The following CDC14A variants were observed in gnomAD, a reference collection of about 807,000 sequenced individuals.
The protein encoded by CDC14A is dual specificity protein phosphatase CDC14A.
CDC14A carries 53 observed loss-of-function variants against 74.4 expected under a neutral mutation model. The observed-to-expected ratio is 0.71, with a 90% CI of 0.57 to 0.89. The LOEUF (loss-of-function observed/expected upper bound fraction) is 0.89, where lower values mean the gene tolerates loss of function less well. Ranked by LOEUF, CDC14A falls within the 40% of genes least tolerant of loss-of-function variation. The pLI, the probability that CDC14A is intolerant of heterozygous loss-of-function variation, is 0.00. For missense variants in CDC14A, 646 were observed against 713.7 expected (o/e 0.91, Z 1.08); for synonymous variants, 247 against 258.4 (o/e 0.96, Z 0.43).
At chr1:100,357,832 C>T (rs987415614) in intron 2 of CDC14A, among the ~76,000 whole-genome samples, 4 of 151,720 alleles carry the variant, frequency 2.6e-5, no homozygotes, top group African/African-American at 9.7e-5. Flanking sequence ...GAAGTAGACT[C>T]TTTAAATATT....
intron 8 of CDC14A, among the ~76,000 whole-genome samples, chr1:100,455,720 G>GC (rs1666617466): frequency 6.6e-6 from 1 of 152,172 alleles, no homozygotes; most frequent in South Asian, 2.1e-4. Flanking sequence ...CCATAAATAG[G>GC]ATGTTCACTT....
At chr1:100,416,049 C>T (rs1297629415) in intron 4 of CDC14A, among the ~76,000 whole-genome samples, 1 of 152,076 alleles carries the variant, frequency 6.6e-6, no homozygotes, top group Non-Finnish European at 1.5e-5. Context: ...AAATTAAGTG[C>T]CCTGACATTT....
intron 4 of CDC14A, among the ~76,000 whole-genome samples, chr1:100,402,581 A>G (rs1213823602): frequency 6.6e-6 from 1 of 152,218 alleles, no homozygotes; most frequent in Non-Finnish European, 1.5e-5. Context: ...AGACTGGTGA[A>G]GTATCTCCAC....
In CDC14A at chr1:100,518,421, C is replaced by T; in HGVS notation, c.*141C>T. 1.5e-6 allele frequency: 1 copy of T among 655,312 alleles called. No homozygotes were observed. The highest frequency in any genetic ancestry group is 2.7e-6 in the Non-Finnish European group (1 of 367,108). 40.6% of individuals were successfully genotyped at this position (655,312 alleles called of 1,614,324 possible). A position where few individuals can be genotyped will look rare whatever the true frequency, so the allele number is the denominator to read the frequency against. ...TAAATTAAAAAGAGCACTAAGATAA[C>T]ACCTTCAAGAGACTTGAAAACAGAA... On this transcript the variant is annotated 3_prime_UTR_variant, in exon 16 of 16. Transcript: ENST00000336454.
At chr1:100,473,626 T>G (rs112401612) in intron 10 of CDC14A, among the ~76,000 whole-genome samples, 8,661 of 152,034 alleles carry the variant, frequency 0.057, 837 homozygotes, top group African/African-American at 0.2. Flanking sequence ...GACCTCAGGT[T>G]ATCCTCCCAC....
chr1:100,470,929 T>A (rs1345358238), intron 10 of CDC14A, among the ~76,000 whole-genome samples: 2 of 152,146 alleles, frequency 1.3e-5, no homozygotes, highest in East Asian at 3.8e-4. Flanking sequence ...TTTCTAGGTA[T>A]TTAAATAAGG....
intron 4 of CDC14A, chr1:100,393,169 C>T: frequency 6.3e-7 from 1 of 1,578,742 alleles, no homozygotes; most frequent in Admixed American, 1.7e-5. Context: ...GACTCCATTT[C>T]TCTCAATTTA....
rs1323342056 is a variant in CDC14A, at chr1:100,495,034, AC to A, written c.1250+105del. ...AATCTTCTGTTTTGAATTTTGTTCT[AC>A]AAATACTAAGTTTACTATTTTGTGT... On this transcript the variant is annotated intron_variant, in intron 12 of 15. Transcript: ENST00000336454. 4 of 639,532 alleles carry A rather than the reference AC, an allele frequency of 6.3e-6. No homozygotes were observed. The African/African-American group carries it at 7.4e-5, about 12-fold the overall frequency. The allele number at this position is 639,532 out of a possible 1,614,324, so 39.6% of individuals were successfully genotyped here.
intron 1 of CDC14A, among the ~76,000 whole-genome samples, chr1:100,345,949 G>A (rs1650379672): frequency 6.6e-6 from 1 of 152,234 alleles, no homozygotes. Context: ...GAGGTGGGCA[G>A]ATCATGAGGT....
At position 100,494,832 on chromosome 1, in the gene CDC14A, T is replaced by C. The variant is rs758755157; in HGVS notation, c.1152T>C (p.Asp384=). The C allele has an allele frequency of 3.1e-6, 5 of 1,609,134 alleles. No individual in the cohort carries two copies. The African/African-American group carries it at 6.7e-5, about 21-fold the overall frequency. Residue 384 remains aspartate (D), a synonymous_variant, in exon 12 of 16, where the codon GAT becomes GAC. Coordinates refer to ENST00000336454, the MANE Select transcript of CDC14A (RefSeq NM_003672.4). ...MERFGEDNLE[D]DDVEMKNGIT... is the part of the protein sequence containing the mutation. Reference sequence around the variant, plus strand: ...TTTTTTTCCAGGATAACTTAGAAGATGATGATGTGGAAATGAAAAATGGTA... The same window carrying C: ...TTTTTTTCCAGGATAACTTAGAAGACGATGATGTGGAAATGAAAAATGGTA...
chr1:100,387,923 A>G (rs1657104042), intron 3 of CDC14A, among the ~76,000 whole-genome samples: 1 of 152,216 alleles, frequency 6.6e-6, no homozygotes, highest in South Asian at 2.1e-4. Context: ...GAACAGCACT[A>G]TAACTTGTCC....
chr1:100,459,122 C>CAGAGAGAGAGAG (rs1474410623), intron 8 of CDC14A, among the ~76,000 whole-genome samples: 11 of 146,728 alleles, frequency 7.5e-5, no homozygotes, highest in African/African-American at 2.8e-4. Context: ...CACACACACA[C>CAGAGAGAGAGAG]ACACAGAGAG....
intron 4 of CDC14A, among the ~76,000 whole-genome samples, chr1:100,413,021 C>A (rs531683941): frequency 3.6e-4 from 55 of 151,014 alleles, no homozygotes; most frequent in Non-Finnish European, 7.1e-4. Context: ...CGTGCCACTG[C>A]GCTCCAGCCT....
At chr1:100,393,855 A>C (rs1275865690) in intron 4 of CDC14A, 1 of 256,808 alleles carries the variant, frequency 3.9e-6, no homozygotes, top group Non-Finnish European at 7.6e-6. Flanking sequence ...AGGCAGGAGA[A>C]TCGCTTGAAC....
At chr1:100,390,318 A>T (rs1272435177) in intron 3 of CDC14A, among the ~76,000 whole-genome samples, 1 of 152,224 alleles carries the variant, frequency 6.6e-6, no homozygotes, top group South Asian at 2.1e-4. Context: ...AAACTGGTTG[A>T]CATTTTAAAA....
At chr1:100,356,906 C>A (rs28564730) in intron 2 of CDC14A, among the ~76,000 whole-genome samples, 8,641 of 149,456 alleles carry the variant, frequency 0.058, 407 homozygotes, top group African/African-American at 0.12. Flanking sequence ...AAACAAGTAC[C>A]TGGATTAGGA....
At chr1:100,507,166 A>G (rs1260740662) in intron 15 of CDC14A, among the ~76,000 whole-genome samples, 2 of 152,210 alleles carry the variant, frequency 1.3e-5, no homozygotes, top group African/African-American at 2.4e-5. Context: ...TAAAAACTTC[A>G]TGCAGGCATC....
At chr1:100,486,359 C>A (rs1437127684) in intron 11 of CDC14A, among the ~76,000 whole-genome samples, 3 of 152,124 alleles carry the variant, frequency 2.0e-5, no homozygotes, top group Admixed American at 6.5e-5. Context: ...GTAAGGAATG[C>A]AATATGATTG....
chr1:100,368,806 A>G (rs969664638), intron 2 of CDC14A, among the ~76,000 whole-genome samples: 5 of 152,068 alleles, frequency 3.3e-5, no homozygotes, highest in Non-Finnish European at 5.9e-5. Flanking sequence ...TGAGTAGTCA[A>G]TTGTGTAGTT....
Sources: gnomAD v4.1 joint callset for allele counts (sites outside exome capture counted in the v4.1 genomes callset) on GRCh38, gnomAD v4.1.1 for gene constraint, MANE v1.5 for transcripts, NCBI Gene and HGNC (gene_info 2026-07-23, HGNC 2026-07-21) for gene names.